GRIN2B: variants seen among roughly 807,000 people sequenced by gnomAD.
GRIN2B encodes the protein glutamate ionotropic receptor NMDA type subunit 2B.
In GRIN2B, 5 loss-of-function variants were observed where a neutral mutation model predicts 114.5. The observed-to-expected ratio is 0.04, with a 90% CI of 0.02 to 0.09. The LOEUF (loss-of-function observed/expected upper bound fraction) is 0.09. Among genes scored for constraint, GRIN2B ranks in the 10% least tolerant of loss-of-function variants. The pLI, the probability that GRIN2B is intolerant of heterozygous loss-of-function variation, is 1.00. For synonymous variants in GRIN2B, 787 were observed against 745.1 expected, an observed-to-expected ratio of 1.06 and a Z score of -0.92; for missense variants, 1,108 against 1,943.5, an observed-to-expected ratio of 0.57 and a Z score of 8.08.
At chr12:13,892,975 G>A (rs1448434783) in intron 2 of GRIN2B, among the ~76,000 whole-genome samples, 2 of 152,198 alleles carry the variant, frequency 1.3e-5, no homozygotes, top group African/African-American at 2.4e-5. Context: ...CATCAGGGAT[G>A]AGAACCTGAA....
intron 2 of GRIN2B, among the ~76,000 whole-genome samples, chr12:13,935,063 A>G (rs1158410780): frequency 6.6e-6 from 1 of 152,000 alleles, no homozygotes; most frequent in East Asian, 1.9e-4. Context: ...ATAGCCAGGA[A>G]CTCCTGGGAC....
At chr12:13,725,413 C>T (rs1013970324) in intron 4 of GRIN2B, among the ~76,000 whole-genome samples, 1 of 152,038 alleles carries the variant, frequency 6.6e-6, no homozygotes, top group Non-Finnish European at 1.5e-5. Context: ...TTTATTTCAG[C>T]ATCACAATAC....
In GRIN2B at chr12:13,866,209, C is replaced by G; in HGVS notation, c.-1G>C. ...AACAGCACTCCGCTCTGGGCTTCAT[C>G]TTCAACTCGTCGACTCCCTGCAAAC... is the stretch of plus-strand genomic sequence containing the variant. On this transcript the variant is annotated 5_prime_UTR_variant, in exon 3 of 14. Transcript: ENST00000609686. 3 of 1,606,856 alleles carry G rather than the reference C, an allele frequency of 1.9e-6. No homozygotes were observed. The South Asian group carries it at 3.3e-5, about 18-fold the overall frequency.
Position 13,552,631 on chromosome 12 carries a change from C to G in GRIN2B, c.*10152G>C, listed in dbSNP as rs1948427247. The G allele has an allele frequency of 6.6e-6, 1 of 151,892 alleles. No homozygotes were observed. Among genetic ancestry groups the G allele is most frequent in the African/African-American group, 2.4e-5 (1 of 41,294 alleles). 9.4% of individuals were successfully genotyped at this position (151,892 alleles called of 1,614,324 possible). ...GGCTGTCTTCCTACCCTCCCACCAG[C>G]TGTTTACCAGATAATTTGTTTCATC... On this transcript the variant is annotated 3_prime_UTR_variant, in exon 14 of 14. Coordinates refer to ENST00000609686, the MANE Select transcript of GRIN2B (RefSeq NM_000834.5).
chr12:13,576,858 C>T (rs1948783941), intron 10 of GRIN2B, among the ~76,000 whole-genome samples: 1 of 152,120 alleles, frequency 6.6e-6, no homozygotes, highest in African/African-American at 2.4e-5. Flanking sequence ...GGGCTCAGTA[C>T]TCTTTATTAA....
At chr12:13,805,262 C>A (rs1864581158) in intron 3 of GRIN2B, among the ~76,000 whole-genome samples, 1 of 152,112 alleles carries the variant, frequency 6.6e-6, no homozygotes, top group African/African-American at 2.4e-5. Context: ...ATAATAAAAC[C>A]TATAGCTACC....
At chr12:13,649,322 T>C (rs1193802263) in intron 5 of GRIN2B, among the ~76,000 whole-genome samples, 2 of 152,120 alleles carry the variant, frequency 1.3e-5, no homozygotes, top group African/African-American at 4.8e-5. Context: ...TTTTAGGTTT[T>C]CGGCTGAAGC....
At chr12:13,580,088 A>G (rs1422995311) in intron 10 of GRIN2B, among the ~76,000 whole-genome samples, 1 of 152,230 alleles carries the variant, frequency 6.6e-6, no homozygotes, top group Admixed American at 6.5e-5. Context: ...AACAAAACCA[A>G]GAATGTCCTA....
chr12:13,899,550 G>C (rs1349947484), intron 2 of GRIN2B, among the ~76,000 whole-genome samples: 1 of 143,696 alleles, frequency 7.0e-6, no homozygotes, highest in African/African-American at 2.4e-5. Flanking sequence ...CAGCATAGTA[G>C]TAAAAAGTAA....
chr12:13,554,313 T>A lies in GRIN2B; in HGVS notation c.*8470A>T, dbSNP rs1948452032. On this transcript the variant is annotated 3_prime_UTR_variant, in exon 14 of 14. Coordinates refer to ENST00000609686, the MANE Select transcript of GRIN2B (RefSeq NM_000834.5). ...GAAACAACGAAAGTGTTATGGGCAT[T>A]CATAAAATGCCTAAAATTATTTTCT... is the stretch of plus-strand genomic sequence containing the variant. The A allele has an allele frequency of 6.6e-6, 1 of 152,200 alleles. No individual in the cohort carries two copies. Among genetic ancestry groups the A allele is most frequent in the South Asian group, 2.1e-4 (1 of 4,836 alleles). 9.4% of individuals were successfully genotyped at this position (152,200 alleles called of 1,614,324 possible).
At chr12:13,847,376 G>A (rs980753512) in intron 3 of GRIN2B, among the ~76,000 whole-genome samples, 5 of 152,226 alleles carry the variant, frequency 3.3e-5, no homozygotes, top group Non-Finnish European at 7.4e-5. Context: ...AGGGCATTAT[G>A]TCCTTGGGTG....
chr12:13,598,092 G>T (rs1949099301), intron 10 of GRIN2B, among the ~76,000 whole-genome samples: 1 of 152,170 alleles, frequency 6.6e-6, no homozygotes, highest in South Asian at 2.1e-4. Context: ...CACTTCCTTG[G>T]CTGGCACCGC....
chr12:13,777,556 G>A (rs1435736967), intron 3 of GRIN2B, among the ~76,000 whole-genome samples: 6 of 152,204 alleles, frequency 3.9e-5, no homozygotes, highest in Non-Finnish European at 8.8e-5. Flanking sequence ...GGCTGCAGCT[G>A]TGGCTGCAAG....
chr12:13,626,176 C>G (rs1436967233), intron 5 of GRIN2B, among the ~76,000 whole-genome samples: 1 of 152,208 alleles, frequency 6.6e-6, no homozygotes, highest in African/African-American at 2.4e-5. Context: ...AACAACAAAA[C>G]TGGGTCCCAA....
At chr12:13,714,766 G>A (rs113871925) in intron 4 of GRIN2B, among the ~76,000 whole-genome samples, 3 of 151,854 alleles carry the variant, frequency 2.0e-5, no homozygotes, top group African/African-American at 7.2e-5. Flanking sequence ...AAGTTTAAGG[G>A]GTACATATGC....
At chr12:13,919,680 G>GT (rs1414070819) in intron 2 of GRIN2B, among the ~76,000 whole-genome samples, 1 of 152,168 alleles carries the variant, frequency 6.6e-6, no homozygotes, top group Non-Finnish European at 1.5e-5. Context: ...TTATAAGAAG[G>GT]TAGGGAAGCA....
intron 2 of GRIN2B, among the ~76,000 whole-genome samples, chr12:13,884,097 T>C (rs1197338180): frequency 6.6e-6 from 1 of 152,204 alleles, no homozygotes; most frequent in Admixed American, 6.5e-5. Context: ...TTGTCAAAAA[T>C]CTACTTGTGG....
In GRIN2B at chr12:13,653,578, A is replaced by G. The variant is rs1434414987; in HGVS notation, c.1125+22167T>C. Among the ~76,000 whole-genome samples, 3 of 151,854 alleles carry G rather than the reference A, an allele frequency of 2.0e-5. No homozygotes were observed. In the South Asian group the frequency reaches 6.2e-4, roughly 32 times the overall value. On this transcript the variant is annotated intron_variant, in intron 5 of 13. Transcript: ENST00000609686. ...AAAAAAGCCAGCAGAGAAAGGAGAG[A>G]CTTAAACAGAAAAAAAGGAGGAGTT...
At chr12:13,740,779 A>G (rs1290386642) in intron 4 of GRIN2B, among the ~76,000 whole-genome samples, 1 of 152,084 alleles carries the variant, frequency 6.6e-6, no homozygotes, top group African/African-American at 2.4e-5. Flanking sequence ...TTTTTCCTCT[A>G]TGGGTTAAAG....
Sources: allele counts gnomAD v4.1 joint callset (sites outside exome capture counted in the v4.1 genomes callset), GRCh38; gene constraint gnomAD v4.1.1; transcripts MANE v1.5; gene names NCBI Gene and HGNC (gene_info 2026-07-23, HGNC 2026-07-21).